The following DENND6B variants were observed in gnomAD, a reference collection of about 807,000 sequenced individuals.
DENND6B encodes the protein DENN domain containing 6B.
DENND6B carries 73 observed loss-of-function variants against 85.1 expected under a neutral mutation model. That is an observed-to-expected ratio of 0.86 (90% confidence interval 0.71 to 1.04). DENND6B has a LOEUF of 1.04. Ranked by LOEUF, DENND6B falls within the 50% of genes least tolerant of loss-of-function variation. The pLI is 0.00. For synonymous variants in DENND6B, 357 were observed against 329.3 expected, an observed-to-expected ratio of 1.08 and a Z score of -0.91; for missense variants, 715 against 785.8, an observed-to-expected ratio of 0.91 and a Z score of 1.08.
intron 1 of DENND6B, chr22:50,319,274 T>G: frequency 1.0e-6 from 1 of 985,210 alleles, no homozygotes; most frequent in Non-Finnish European, 1.2e-6. Flanking sequence ...GCTGACCCGC[T>G]CCTATCTCTG....
At chr22:50,319,035 C>G in intron 1 of DENND6B, 32 bp from the exon 2 acceptor site, 1 of 1,577,928 alleles carries the variant, frequency 6.3e-7, no homozygotes, top group Non-Finnish European at 8.6e-7. Context: ...TTGGTGACAC[C>G]ATCTGTCCGA....
chr22:50,320,450 C>T (rs2042008134), intron 1 of DENND6B, among the ~76,000 whole-genome samples: 2 of 152,224 alleles, frequency 1.3e-5, no homozygotes, highest in African/African-American at 4.8e-5. Flanking sequence ...TTTGCCTCTT[C>T]CAATGCAGAG....
intron 16 of DENND6B, 79 bp downstream of exon 16, chr22:50,313,367 G>A (rs2068114141): frequency 4.7e-6 from 7 of 1,503,108 alleles, no homozygotes; most frequent in Non-Finnish European, 5.4e-6. Flanking sequence ...ACAGCCTCCT[G>A]CTCCAGACCT....
In DENND6B at chr22:50,316,415, T is replaced by A. The variant is rs768858189; in HGVS notation, c.514A>T (p.Ile172Phe). 2 of 1,589,418 alleles carry A rather than the reference T, an allele frequency of 1.3e-6. No homozygotes were observed. Among genetic ancestry groups the A allele is most frequent in the African/African-American group, 1.3e-5 (1 of 74,360 alleles). Reference sequence around the variant, plus strand: ...AGCTTGTCAAAGTACTCGGGGGCGATGAGGCTTAGCAGCGCTTGGAACAGC... The same window carrying A: ...AGCTTGTCAAAGTACTCGGGGGCGAAGAGGCTTAGCAGCGCTTGGAACAGC... ...VRLFQALLSL[I>F]APEYFDKLAP... Residue 172 changes from isoleucine (I) to phenylalanine (F), a missense_variant, in exon 6 of 20, where the codon ATC becomes TTC. Coordinates refer to ENST00000413817, the MANE Select transcript of DENND6B (RefSeq NM_001001794.4).
At chr22:50,318,796 G>A in intron 3 of DENND6B, 51 bp downstream of exon 3, 1 of 1,606,234 alleles carries the variant, frequency 6.2e-7, no homozygotes, top group Non-Finnish European at 8.5e-7. Context: ...CAGGCTACAG[G>A]GATGCCCAGC....
At position 50,310,345 on chromosome 22, in the gene DENND6B, A is replaced by T. The variant is rs1046822698; in HGVS notation, c.*1794T>A. Reference sequence around the variant, plus strand: ...CTGCACCAGACATCTGGGGCTTAACAGCTCCCCTTGGTCACCCTCCCGGCT... The same window carrying T: ...CTGCACCAGACATCTGGGGCTTAACTGCTCCCCTTGGTCACCCTCCCGGCT... On this transcript the variant is annotated 3_prime_UTR_variant, in exon 20 of 20. Coordinates refer to ENST00000413817, the MANE Select transcript of DENND6B (RefSeq NM_001001794.4). 1.0e-4 allele frequency: 16 copies of T among 152,388 alleles called. No individual in the cohort carries two copies. The highest frequency in any genetic ancestry group is 3.9e-4 in the African/African-American group (16 of 41,550). The allele number at this position is 152,388 out of a possible 1,614,324, so 9.4% of individuals were successfully genotyped here. A position where few individuals can be genotyped will look rare whatever the true frequency, so the allele number is the denominator to read the frequency against.
intron 1 of DENND6B, among the ~76,000 whole-genome samples, chr22:50,319,976 G>GT (rs2041993133): frequency 6.6e-6 from 1 of 152,208 alleles, no homozygotes; most frequent in Non-Finnish European, 1.5e-5. Context: ...GCCCAGCCCA[G>GT]TAGGTCCACG....
intron 1 of DENND6B, among the ~76,000 whole-genome samples, chr22:50,322,393 A>G (rs1401320161): frequency 2.0e-5 from 3 of 151,834 alleles, no homozygotes; most frequent in African/African-American, 2.4e-5. Flanking sequence ...TAAAACTACA[A>G]AAGTGTCCTA....
At chr22:50,320,322 G>A (rs567023005) in intron 1 of DENND6B, among the ~76,000 whole-genome samples, 2 of 152,212 alleles carry the variant, frequency 1.3e-5, no homozygotes, top group Non-Finnish European at 2.9e-5. Flanking sequence ...AGGCTCAAGC[G>A]ATCCTCCCGC....
rs781468640 is a variant in DENND6B, at chr22:50,316,480, A to C, written c.454-5T>G. The stretch of plus-strand genomic sequence containing the variant: ...GCGGGACACCAGCACCAAAGACTGC[A>C]GGGCCACGGGGCCAGTTAGAGGCCC... On this transcript the variant is annotated splice_polypyrimidine_tract_variant and splice_region_variant and intron_variant, in intron 5 of 19. Coordinates refer to ENST00000413817, the MANE Select transcript of DENND6B (RefSeq NM_001001794.4). 6.4e-7 allele frequency: 1 copy of C among 1,569,358 alleles called. No individual in the cohort carries two copies. The highest frequency in any genetic ancestry group is 1.4e-5 in the African/African-American group (1 of 73,668).
At chr22:50,319,611 T>A in intron 1 of DENND6B, 4 of 771,836 alleles carry the variant, frequency 5.2e-6, no homozygotes, top group Non-Finnish European at 6.3e-6. Context: ...AGAGGGCCCC[T>A]CACCTGGGAT....
At chr22:50,321,517 C>T (rs574010415) in intron 1 of DENND6B, among the ~76,000 whole-genome samples, 29 of 151,998 alleles carry the variant, frequency 1.9e-4, no homozygotes, top group South Asian at 1.9e-3. Context: ...CACGCCACCA[C>T]GCCCGGCTAA....
chr22:50,315,885 A>C lies in DENND6B; in HGVS notation c.703-116T>G, dbSNP rs544528334. On this transcript the variant is annotated intron_variant, in intron 8 of 19. Transcript: ENST00000413817. The stretch of plus-strand genomic sequence containing the variant: ...GGAGAGCACCCAGCCCTACACCAAC[A>C]CACAGCCTGTGGCTTTGCCTGGGTT... The C allele has an allele frequency of 9.3e-6, 14 of 1,512,366 alleles. No homozygotes were observed. The African/African-American group carries it at 1.4e-4, about 15-fold the overall frequency. The allele number at this position is 1,512,366 out of a possible 1,614,324, so 93.7% of individuals were successfully genotyped here.
rs1234668631 is a variant in DENND6B at position 50,317,931 on chromosome 22, T to C, written c.349A>G (p.Ser117Gly). The C allele has an allele frequency of 6.2e-7, 1 of 1,609,862 alleles. No individual in the cohort carries two copies. Among genetic ancestry groups the C allele is most frequent in the South Asian group, 1.1e-5 (1 of 90,978 alleles). ...PWHADDRHYN[S>G]RAPVALQREP... ...ACCTGCAGTGCCACAGGGGCCCTGC[T>C]GTTGTAGTGCCTGTCGTCGGCATGC... The change falls in exon 4 of 20, where the codon AGC (serine) becomes GGC (glycine). Residue 117 changes from serine to glycine, a missense_variant. Coordinates refer to ENST00000413817, the MANE Select transcript of DENND6B (RefSeq NM_001001794.4).
intron 1 of DENND6B, among the ~76,000 whole-genome samples, chr22:50,320,849 G>C (rs1402244420): frequency 6.6e-6 from 1 of 152,220 alleles, no homozygotes; most frequent in African/African-American, 2.4e-5. Flanking sequence ...CCATGCCCAG[G>C]GGGCCCTCAG....
rs533547886 is a variant in DENND6B, at chr22:50,315,586, G to A, written c.758+128C>T. ...GCGCTGGCCATACACACACACACGT[G>A]CACACGTGCACTCACGCAGACACAC... On this transcript the variant is annotated intron_variant, in intron 9 of 19. Transcript: ENST00000413817. 4.1e-5 allele frequency: 47 copies of A among 1,143,160 alleles called. No individual in the cohort carries two copies. The African/African-American group carries it at 6.9e-4, about 17-fold the overall frequency. 70.8% of individuals were successfully genotyped at this position (1,143,160 alleles called of 1,614,324 possible).
intron 13 of DENND6B, 38 bp downstream of exon 13, chr22:50,314,169 C>A: frequency 1.3e-6 from 2 of 1,581,518 alleles, no homozygotes; most frequent in Non-Finnish European, 1.7e-6. Flanking sequence ...ACAGGCCTCT[C>A]CACGGTGGAG....
In DENND6B at chr22:50,316,352, C is replaced by T. The variant is rs751205305; in HGVS notation, c.559+18G>A. 40 of 1,566,058 alleles carry T rather than the reference C, an allele frequency of 2.6e-5. No homozygotes were observed. Among genetic ancestry groups the T allele is most frequent in the Admixed American group, 5.7e-5 (3 of 52,306 alleles). On this transcript the variant is annotated intron_variant, in intron 6 of 19. Coordinates refer to ENST00000413817, the MANE Select transcript of DENND6B (RefSeq NM_001001794.4). ...TGGGATGATGAGACCACGATGGCCA[C>T]GACTGATGGCCACTCACCTGCTTCC...
intron 19 of DENND6B, 25 bp from the exon 20 acceptor site, chr22:50,312,286 C>A (rs755442584): frequency 2.9e-5 from 47 of 1,611,404 alleles, no homozygotes; most frequent in Non-Finnish European, 3.9e-5. Context: ...ATGGTCAGGG[C>A]AGGCGCAGCT....
Sources: gnomAD v4.1 joint callset for allele counts (sites outside exome capture counted in the v4.1 genomes callset) on GRCh38, gnomAD v4.1.1 for gene constraint, MANE v1.5 for transcripts, NCBI Gene and HGNC (gene_info 2026-07-23, HGNC 2026-07-21) for gene names.